SVBP: variants seen among roughly 807,000 people sequenced by gnomAD.
The protein encoded by SVBP is small vasohibin binding protein.
Under a neutral mutation model 9.2 loss-of-function variants are expected in SVBP, and 9 were observed. The observed-to-expected ratio is 0.98, with a 90% confidence interval of 0.59 to 1.71. The LOEUF is 1.71. Ranked by LOEUF, SVBP falls within the 40% of genes most tolerant of loss-of-function variation. SVBP has a pLI of 0.00. For missense variants in SVBP, 63 were observed against 73.2 expected, an observed-to-expected ratio of 0.86 and a Z score of 0.51; for synonymous variants, 27 against 23.9, an observed-to-expected ratio of 1.13 and a Z score of -0.37.
chr1:42,817,096 C>T, intron 1 of SVBP, 94 bp downstream of exon 1: 1 of 964,120 alleles, frequency 1.0e-6, no homozygotes, highest in Non-Finnish European at 1.3e-6. Context: ...CCGCCCGGCC[C>T]CAGGGGACGG....
intron 2 of SVBP, among the ~76,000 whole-genome samples, chr1:42,814,064 C>T (rs1285170701): frequency 2.0e-5 from 3 of 151,954 alleles, no homozygotes; most frequent in African/African-American, 7.2e-5. Context: ...TCGAACAGTG[C>T]CTGGCACATA....
intron 2 of SVBP, among the ~76,000 whole-genome samples, chr1:42,809,752 G>C (rs1328656250): frequency 6.6e-6 from 1 of 152,090 alleles, no homozygotes; most frequent in Non-Finnish European, 1.5e-5. Context: ...GATGAAACTA[G>C]TAAATTTTAT....
At chr1:42,814,167 C>T (rs908076142) in intron 2 of SVBP, among the ~76,000 whole-genome samples, 4 of 150,914 alleles carry the variant, frequency 2.7e-5, no homozygotes, top group African/African-American at 7.3e-5. Context: ...CGGCAACCTC[C>T]GTCTCCTGGG....
chr1:42,809,909 A>G (rs1654042086), intron 2 of SVBP, among the ~76,000 whole-genome samples: 1 of 152,192 alleles, frequency 6.6e-6, no homozygotes, highest in Non-Finnish European at 1.5e-5. Flanking sequence ...AGGTACACAG[A>G]CAGTAAATTA....
At chr1:42,811,450 C>G (rs1047420300) in intron 2 of SVBP, among the ~76,000 whole-genome samples, 2 of 152,142 alleles carry the variant, frequency 1.3e-5, no homozygotes, top group African/African-American at 4.8e-5. Flanking sequence ...TGGCACATCT[C>G]AAGAGCTGCA....
chr1:42,810,322 T>A (rs1016875056), intron 2 of SVBP, among the ~76,000 whole-genome samples: 1 of 152,118 alleles, frequency 6.6e-6, no homozygotes, highest in Non-Finnish European at 1.5e-5. Context: ...TAATTTTTTG[T>A]ATTTTAGTAG....
At chr1:42,815,039 T>TA in intron 2 of SVBP, among the ~76,000 whole-genome samples, 1 of 151,720 alleles carries the variant, frequency 6.6e-6, no homozygotes, top group Non-Finnish European at 1.5e-5. Flanking sequence ...TATGCAGCCA[T>TA]AAAAAGGGAT....
chr1:42,814,364 C>G (rs1278980677), intron 2 of SVBP, among the ~76,000 whole-genome samples: 1 of 151,806 alleles, frequency 6.6e-6, no homozygotes, highest in Non-Finnish European at 1.5e-5. Context: ...GTGTGAGCCA[C>G]TGTGCCTGGC....
At position 42,817,271 on chromosome 1, in the gene SVBP, C is replaced by G. The variant is rs968937122; in HGVS notation, c.-118G>C. The G allele has an allele frequency of 5.6e-6, 7 of 1,239,760 alleles. No homozygotes were observed. The African/African-American group carries it at 1.1e-4, about 20-fold the overall frequency. The allele number at this position is 1,239,760 out of a possible 1,614,324, so 76.8% of individuals were successfully genotyped here. ...CCGGGAGGGTAATCCTCGCCTTCCC[C>G]CGACCACTGGACCCAGCGCTGCCTG... On this transcript the variant is annotated 5_prime_UTR_variant, in exon 1 of 3. Coordinates refer to ENST00000372521, the MANE Select transcript of SVBP (RefSeq NM_199342.4).
At chr1:42,815,022 G>A (rs1654167149) in intron 2 of SVBP, among the ~76,000 whole-genome samples, 1 of 152,080 alleles carries the variant, frequency 6.6e-6, no homozygotes, top group South Asian at 2.1e-4. Context: ...TATACACCAT[G>A]GAATACTATG....
At chr1:42,814,536 C>T (rs1654154055) in intron 2 of SVBP, among the ~76,000 whole-genome samples, 1 of 151,824 alleles carries the variant, frequency 6.6e-6, no homozygotes, top group Non-Finnish European at 1.5e-5. Flanking sequence ...GAATTGCTTG[C>T]ACCCGGGAGG....
intron 2 of SVBP, among the ~76,000 whole-genome samples, chr1:42,812,259 T>C (rs776029356): frequency 1.3e-5 from 2 of 152,150 alleles, no homozygotes; most frequent in Non-Finnish European, 2.9e-5. Flanking sequence ...AAGTGCAAAT[T>C]TGTACAGCTA....
intron 2 of SVBP, 99 bp from the exon 3 acceptor site, chr1:42,807,599 C>A: frequency 1.2e-6 from 1 of 868,496 alleles, no homozygotes; most frequent in Non-Finnish European, 1.9e-6. Context: ...ACCAGAATTT[C>A]ACCAGTAGTG....
At chr1:42,811,738 G>A (rs185720711) in intron 2 of SVBP, among the ~76,000 whole-genome samples, 60 of 152,342 alleles carry the variant, frequency 3.9e-4, no homozygotes, top group Non-Finnish European at 7.1e-4. Context: ...TGGGGGTTCA[G>A]AGAGGTTAAG....
rs770996496 is a variant in SVBP at position 42,816,531 on chromosome 1, G to A, written c.14C>T (p.Ala5Val). The A allele has an allele frequency of 4.3e-6, 7 of 1,613,172 alleles. No individual in the cohort carries two copies. The highest frequency in any genetic ancestry group is 5.9e-6 in the Non-Finnish European group (7 of 1,179,298). MDPP[A>V]RKEKTKVKES... ...TTTAACTTTGGTTTTTTCTTTACGT[G>A]CAGGTGGATCCATGGCTTGACTTCT... Residue 5 changes from alanine to valine, a missense_variant, in exon 2 of 3, where the codon GCA (alanine) becomes GTA (valine). Coordinates refer to ENST00000372521, the MANE Select transcript of SVBP (RefSeq NM_199342.4).
intron 2 of SVBP, among the ~76,000 whole-genome samples, chr1:42,815,563 A>C (rs1480268056): frequency 6.6e-6 from 1 of 152,124 alleles, no homozygotes; most frequent in Non-Finnish European, 1.5e-5. Context: ...TACTATAAAT[A>C]ATTTAAATGT....
At chr1:42,814,088 T>TCC (rs1163642551) in intron 2 of SVBP, among the ~76,000 whole-genome samples, 1 of 148,086 alleles carries the variant, frequency 6.8e-6, no homozygotes, top group African/African-American at 2.5e-5. Context: ...GCAGTTCTTT[T>TCC]TCTTTTTTTT....
chr1:42,813,023 A>C (rs1654112527), intron 2 of SVBP, among the ~76,000 whole-genome samples: 1 of 152,208 alleles, frequency 6.6e-6, no homozygotes, highest in Non-Finnish European at 1.5e-5. Flanking sequence ...TGTGAAAAAA[A>C]ATCATGCCTA....
At chr1:42,809,007 T>C (rs1277029098) in intron 2 of SVBP, 1 of 152,286 alleles carries the variant, frequency 6.6e-6, no homozygotes. Context: ...ATAAGCAACG[T>C]TGATTCTTTC....
Sources: allele counts gnomAD v4.1 joint callset (sites outside exome capture counted in the v4.1 genomes callset), GRCh38; gene constraint gnomAD v4.1.1; transcripts MANE v1.5; gene names NCBI Gene and HGNC (gene_info 2026-07-23, HGNC 2026-07-21).